The following LARP4B variants were observed in gnomAD, a reference collection of about 807,000 sequenced individuals.
LARP4B encodes La ribonucleoprotein 4B, also known as la-related protein 4B.
Under a neutral mutation model 89.8 loss-of-function variants are expected in LARP4B, and 12 were observed. That is an observed-to-expected ratio of 0.13 (90% CI 0.09 to 0.22). The LOEUF (loss-of-function observed/expected upper bound fraction) is 0.22, where lower values mean the gene tolerates loss of function less well. LARP4B is among the 10% of genes least tolerant of loss of function. LARP4B has a pLI of 1.00. For synonymous variants in LARP4B, 367 were observed against 363.3 expected (o/e 1.01, Z -0.12); for missense variants, 757 against 947.7 (o/e 0.80, Z 2.64).
intron 1 of LARP4B, among the ~76,000 whole-genome samples, chr10:913,697 C>A (rs531071918): frequency 6.6e-6 from 1 of 152,266 alleles, no homozygotes; most frequent in Admixed American, 6.5e-5. Context: ...AATCCCATCA[C>A]TAGGAGTTCG....
chr10:938,595 T>G, the LARP4B span, among the ~76,000 whole-genome samples: 1 of 152,188 alleles, frequency 6.6e-6, no homozygotes, highest in Non-Finnish European at 1.5e-5. Context: ...GAATGTCTTT[T>G]ATCTTAGGAG....
intron 3 of LARP4B, among the ~76,000 whole-genome samples, chr10:868,761 T>C (rs1393618404): frequency 6.6e-6 from 1 of 152,260 alleles, no homozygotes; most frequent in African/African-American, 2.4e-5. Context: ...AAGAGGTTGA[T>C]GGATCATTCC....
chr10:814,573 T>C lies in LARP4B; in HGVS notation c.1929+169A>G, dbSNP rs1831924267. On this transcript the variant is annotated intron_variant, in intron 17 of 17. Transcript: ENST00000316157. This position sits in a 1 kb window ranked among gnomAD's most constrained non-coding sequence, Gnocchi z 4.4. ...ACTAGAGTAGTTAGTGGAAAATTAT[T>C]AGCAAATATTAAAGGTATTTTGTAC... 6.9e-7 allele frequency: 1 copy of C among 1,452,936 alleles called. No individual in the cohort carries two copies. 90.0% of individuals were successfully genotyped at this position (1,452,936 alleles called of 1,614,324 possible). A position where few individuals can be genotyped will look rare whatever the true frequency, so the allele number is the denominator to read the frequency against.
At chr10:875,725 C>G (rs1420019664) in intron 3 of LARP4B, among the ~76,000 whole-genome samples, 1 of 152,214 alleles carries the variant, frequency 6.6e-6, no homozygotes, top group African/African-American at 2.4e-5. Flanking sequence ...ATCCACTCCT[C>G]CACTTGTGAG....
At chr10:921,629 G>A (rs750045895) in intron 1 of LARP4B, among the ~76,000 whole-genome samples, 5 of 152,070 alleles carry the variant, frequency 3.3e-5, no homozygotes, top group Non-Finnish European at 7.4e-5. Flanking sequence ...GTGGTCACTC[G>A]GAATCCTAAG....
intron 1 of LARP4B, among the ~76,000 whole-genome samples, chr10:930,508 G>C (rs1372227099): frequency 6.6e-6 from 1 of 152,186 alleles, no homozygotes; most frequent in Non-Finnish European, 1.5e-5. Flanking sequence ...CAAGTTTTAA[G>C]AACGTTTTAC....
chr10:816,823 A>G (rs774240587), intron 15 of LARP4B, among the ~76,000 whole-genome samples: 3 of 152,224 alleles, frequency 2.0e-5, no homozygotes, highest in Non-Finnish European at 4.4e-5. Flanking sequence ...AAGATACTGC[A>G]TCAAAATCCA....
chr10:960,707 C>CAAAAAA, the LARP4B span, among the ~76,000 whole-genome samples: 4 of 65,884 alleles, frequency 6.1e-5, no homozygotes, highest in East Asian at 4.7e-4. Flanking sequence ...GACTCTGTCT[C>CAAAAAA]AAAAAAAAAA....
At chr10:919,983 A>T (rs1836935454) in intron 1 of LARP4B, among the ~76,000 whole-genome samples, 1 of 152,232 alleles carries the variant, frequency 6.6e-6, no homozygotes, top group Non-Finnish European at 1.5e-5. Context: ...ATGACAAAAC[A>T]CTTAATTTTC....
intron 3 of LARP4B, among the ~76,000 whole-genome samples, chr10:883,009 C>T (rs958689427): frequency 2.0e-5 from 3 of 152,162 alleles, no homozygotes; most frequent in East Asian, 3.9e-4. Flanking sequence ...ATGAACAATG[C>T]TAATTAGAAA....
At chr10:886,932 A>C (rs1435574604) in intron 1 of LARP4B, among the ~76,000 whole-genome samples, 1 of 152,190 alleles carries the variant, frequency 6.6e-6, no homozygotes, top group South Asian at 2.1e-4. Context: ...TCTACTAAAA[A>C]TACAAAATTA....
At chr10:980,280 C>T in the LARP4B span, among the ~76,000 whole-genome samples, 1 of 152,166 alleles carries the variant, frequency 6.6e-6, no homozygotes, top group African/African-American at 2.4e-5. Flanking sequence ...AGGGTGCAAG[C>T]TGCTGGTGGA....
rs1231756309 is a variant in LARP4B at position 905,719 on chromosome 10, G to T, written c.-39-19959C>A. On this transcript the variant is annotated intron_variant, in intron 1 of 17. Transcript: ENST00000316157. ...AGCAAGGGAGGAGCTGAGGAGCAGG[G>T]AAGGAGGGCAGAATCAGCAGGACTG... Among the ~76,000 whole-genome samples the T allele has an allele frequency of 4.0e-5, 6 of 150,336 alleles. No homozygotes were observed. In the South Asian group the frequency reaches 6.3e-4, roughly 16 times the overall value.
chr10:968,504 A>G, the LARP4B span, among the ~76,000 whole-genome samples: 3 of 152,176 alleles, frequency 2.0e-5, no homozygotes, highest in Admixed American at 6.5e-5. Context: ...CCATGTGAGC[A>G]TCTTGACTAT....
the LARP4B span, among the ~76,000 whole-genome samples, chr10:976,552 C>T: frequency 2.3e-5 from 3 of 132,226 alleles, no homozygotes; most frequent in Non-Finnish European, 3.2e-5. Context: ...AAGGTAGGTG[C>T]CGCGTAATGT....
upstream of LARP4B, among the ~76,000 whole-genome samples, chr10:933,331 C>G (rs888112743): frequency 1.3e-5 from 2 of 152,126 alleles, no homozygotes; most frequent in African/African-American, 4.8e-5. Flanking sequence ...CTATGCAGGT[C>G]TGCACTCTGA....
At chr10:966,455 C>T in the LARP4B span, among the ~76,000 whole-genome samples, 6 of 152,220 alleles carry the variant, frequency 3.9e-5, no homozygotes, top group East Asian at 1.9e-4. Context: ...GACCCTGTCT[C>T]GATAAACAGG....
intron 15 of LARP4B, 39 bp downstream of exon 15, chr10:817,686 C>A: frequency 6.3e-7 from 1 of 1,585,162 alleles, no homozygotes; most frequent in Non-Finnish European, 8.6e-7. Context: ...CGTACCTAGA[C>A]ACTGTTGGCA....
the LARP4B span, chr10:942,673 C>G: frequency 1.3e-5 from 2 of 152,266 alleles, no homozygotes; most frequent in Admixed American, 1.3e-4. Context: ...AGAAGTGTCA[C>G]TCATATTCAG....
Sources: gnomAD v4.1 joint callset for allele counts (sites outside exome capture counted in the v4.1 genomes callset) on GRCh38, gnomAD v4.1.1 for gene constraint, Gnocchi (gnomAD v3.1) non-coding constraint, MANE v1.5 for transcripts, NCBI Gene and HGNC (gene_info 2026-07-23, HGNC 2026-07-21) for gene names.